The following FHOD3 variants were observed in gnomAD, a reference collection of about 807,000 sequenced individuals.
The protein encoded by FHOD3 is FH1/FH2 domain-containing protein 3.
A neutral mutation model predicts 173.0 loss-of-function variants in FHOD3; 90 were observed. That is an observed-to-expected ratio of 0.52 (90% CI 0.44 to 0.62). FHOD3 has a LOEUF of 0.62. Among genes scored for constraint, FHOD3 ranks in the 20% least tolerant of loss-of-function variants. The pLI, the probability that FHOD3 is intolerant of heterozygous loss-of-function variation, is 0.00. For synonymous variants in FHOD3, 828 were observed against 823.0 expected (o/e 1.01, Z -0.10); for missense variants, 1,945 against 2,034.7 (o/e 0.96, Z 0.85).
At chr18:36,379,360 A>G (rs2047620115) in intron 3 of FHOD3, among the ~76,000 whole-genome samples, 2 of 152,190 alleles carry the variant, frequency 1.3e-5, no homozygotes, top group African/African-American at 2.4e-5. Context: ...TCATATTTGT[A>G]TTTGGCCTTT....
Position 36,773,264 on chromosome 18 carries a change from C to T in FHOD3, c.4786+3838C>T, listed in dbSNP as rs142140921. ...AGGAGGCTTGTCTGTAAGTCCCCCC[C>T]ACAGTGTCCGCCTGAGTGCCAGGTT... is the stretch of plus-strand genomic sequence containing the variant. On this transcript the variant is annotated intron_variant, in intron 28 of 28. Transcript: ENST00000590592. 3.1e-3 allele frequency among the ~76,000 whole-genome samples: 469 copies of T among 152,308 alleles called. 1 individual carries two copies. Among genetic ancestry groups the T allele is most frequent in the Non-Finnish European group, 3.8e-3 (256 of 68,034 alleles).
chr18:36,480,073 G>A (rs796552262), intron 3 of FHOD3, among the ~76,000 whole-genome samples: 14 of 152,294 alleles, frequency 9.2e-5, no homozygotes, highest in African/African-American at 2.4e-4. Context: ...TGCAAACTGG[G>A]TTTAAGCAAA....
chr18:36,721,413 G>A (rs369759348), intron 19 of FHOD3, among the ~76,000 whole-genome samples: 9 of 152,326 alleles, frequency 5.9e-5, no homozygotes, highest in African/African-American at 1.7e-4. Flanking sequence ...GGCCAAGGCA[G>A]GTAGATGGCT....
intron 5 of FHOD3, among the ~76,000 whole-genome samples, chr18:36,516,370 G>C (rs2055976139): frequency 6.6e-6 from 1 of 152,218 alleles, no homozygotes; most frequent in Non-Finnish European, 1.5e-5. Context: ...CATGAGGTGG[G>C]GGGAGAGGCA....
intron 19 of FHOD3, among the ~76,000 whole-genome samples, chr18:36,720,439 T>G (rs947614760): frequency 6.6e-6 from 1 of 151,952 alleles, no homozygotes; most frequent in Admixed American, 6.6e-5. Flanking sequence ...GGTTTCACCA[T>G]GTTGGCCAGG....
At chr18:36,470,304 C>T (rs1385438443) in intron 3 of FHOD3, among the ~76,000 whole-genome samples, 2 of 152,228 alleles carry the variant, frequency 1.3e-5, no homozygotes, top group Middle Eastern at 3.2e-3. Flanking sequence ...ATATTAGTGA[C>T]ATGAATGAGT....
intron 1 of FHOD3, among the ~76,000 whole-genome samples, chr18:36,339,487 T>A (rs2045498296): frequency 6.6e-6 from 1 of 152,186 alleles, no homozygotes; most frequent in South Asian, 2.1e-4. Context: ...GTCCTGAAAT[T>A]CTTAATTTTA....
chr18:36,708,483 A>G (rs939065348), intron 17 of FHOD3, among the ~76,000 whole-genome samples: 10 of 152,190 alleles, frequency 6.6e-5, no homozygotes, highest in African/African-American at 2.4e-4. Flanking sequence ...ACACTCGTTT[A>G]TTATCTCACA....
chr18:36,440,676 T>A (rs16967867), intron 3 of FHOD3, among the ~76,000 whole-genome samples: 2,240 of 152,366 alleles, frequency 0.015, 58 homozygotes, highest in African/African-American at 0.05. Context: ...TTTTTCTTAA[T>A]GAACCTAAGC....
intron 5 of FHOD3, among the ~76,000 whole-genome samples, chr18:36,571,381 G>A (rs552214854): frequency 3.9e-5 from 6 of 152,256 alleles, no homozygotes; most frequent in South Asian, 4.1e-4. Context: ...AGCAATCTGC[G>A]AAGATGTATA....
At chr18:36,772,531 C>T (rs532654941) in intron 28 of FHOD3, among the ~76,000 whole-genome samples, 22 of 152,232 alleles carry the variant, frequency 1.4e-4, no homozygotes, top group Admixed American at 2.6e-4. Context: ...AAACAGAATC[C>T]ATCCCATAAC....
At position 36,463,333 on chromosome 18, in the gene FHOD3, TA is replaced by T. The variant is rs1204811701; in HGVS notation, c.338-38592del. 3.4e-3 allele frequency among the ~76,000 whole-genome samples: 489 copies of T among 143,794 alleles called. 1 individual carries two copies. The highest frequency in any genetic ancestry group is 0.012 in the African/African-American group (464 of 37,362). The allele number at this position is 143,794 out of a possible 152,430, so 94.3% of individuals were successfully genotyped here. A position where few individuals can be genotyped will look rare whatever the true frequency, so the allele number is the denominator to read the frequency against. On this transcript the variant is annotated intron_variant, in intron 3 of 28. Coordinates refer to ENST00000590592, the MANE Select transcript of FHOD3 (RefSeq NM_001281740.3). The stretch of plus-strand genomic sequence containing the variant: ...TATATATGTAATATATATTTTTATT[TA>T]AAAAAATAATATATATTTTTATTTA...
intron 3 of FHOD3, among the ~76,000 whole-genome samples, chr18:36,439,847 C>T (rs1285398864): frequency 1.3e-5 from 2 of 152,086 alleles, no homozygotes; most frequent in African/African-American, 4.8e-5. Flanking sequence ...GCAGAGAAAG[C>T]ATTTGCCCTC....
At chr18:36,327,790 A>C (rs2044750196) in intron 1 of FHOD3, among the ~76,000 whole-genome samples, 1 of 152,204 alleles carries the variant, frequency 6.6e-6, no homozygotes, top group Non-Finnish European at 1.5e-5. Flanking sequence ...AAAGGGCCAC[A>C]TAGTATTTTA....
Position 36,322,713 on chromosome 18 carries a change from C to T in FHOD3, c.165+24713C>T, listed in dbSNP as rs547406140. On this transcript the variant is annotated intron_variant, in intron 1 of 28. Transcript: ENST00000590592. ...GTGACCTGGTGGTGTCCTTTCTGTCCAGTCTTGTCCCTACCTGCTGTCCAC... is the reference window on the plus strand; with the variant it reads ...GTGACCTGGTGGTGTCCTTTCTGTCTAGTCTTGTCCCTACCTGCTGTCCAC... 3.2e-4 allele frequency among the ~76,000 whole-genome samples: 48 copies of T among 152,260 alleles called. No individual in the cohort carries two copies. In the South Asian group the frequency reaches 1.0e-2, roughly 32 times the overall value.
chr18:36,340,059 T>C (rs2045534128), intron 1 of FHOD3, among the ~76,000 whole-genome samples: 1 of 152,244 alleles, frequency 6.6e-6, no homozygotes, highest in South Asian at 2.1e-4. Flanking sequence ...ACACTGAAAG[T>C]CTTTCATATG....
Position 36,755,397 on chromosome 18 carries a change from CTTTTTTTTTTT to C in FHOD3, c.4425+104_4425+114del, listed in dbSNP as rs200164880. ...ATCCTCCCCACAGTTAAAAGCTGTG[CTTTTTTTTTTT>C]TTTTTTTTTTTTTTTTTGACTATAA... On this transcript the variant is annotated intron_variant, in intron 25 of 28. Transcript: ENST00000590592. 0.061 allele frequency: 12,924 copies of C among 211,444 alleles called. 656 individuals carry two copies. The highest frequency in any genetic ancestry group is 0.23 in the African/African-American group (7,254 of 31,688). 13.1% of individuals were successfully genotyped at this position (211,444 alleles called of 1,614,324 possible). A position where few individuals can be genotyped will look rare whatever the true frequency, so the allele number is the denominator to read the frequency against.
chr18:36,421,725 G>A (rs967447301), intron 3 of FHOD3, among the ~76,000 whole-genome samples: 2 of 152,196 alleles, frequency 1.3e-5, no homozygotes, highest in African/African-American at 4.8e-5. Flanking sequence ...TGGAAATCCA[G>A]CTGGGACTGC....
intron 24 of FHOD3, among the ~76,000 whole-genome samples, chr18:36,748,475 G>C (rs762310211): frequency 3.0e-4 from 46 of 151,928 alleles, no homozygotes; most frequent in Non-Finnish European, 4.4e-4. Flanking sequence ...TTTTATGAAT[G>C]TCTTATAAAG....
Sources: gnomAD v4.1 joint callset for allele counts (sites outside exome capture counted in the v4.1 genomes callset) on GRCh38, gnomAD v4.1.1 for gene constraint, MANE v1.5 for transcripts, NCBI Gene and HGNC (gene_info 2026-07-23, HGNC 2026-07-21) for gene names.